DIP2C: variants seen among roughly 807,000 people sequenced by gnomAD.
DIP2C encodes DIP2 acetate--CoA ligase C (putative).
In DIP2C, 33 loss-of-function variants were observed where a neutral mutation model predicts 192.4. That is an observed-to-expected ratio of 0.17 (90% CI 0.13 to 0.23). The LOEUF is 0.23. Ranked by LOEUF, DIP2C falls within the 10% of genes least tolerant of loss-of-function variation. DIP2C has a pLI of 1.00. For synonymous variants in DIP2C, 979 were observed against 864.1 expected (o/e 1.13, Z -2.33); for missense variants, 1,537 against 2,110.1 (o/e 0.73, Z 5.32).
rs374788146 is a variant in DIP2C, at chr10:533,884, CAG to C, written c.86-47356_86-47355del. ...TTTCTAAATGGGCTGAGAACTGTCTCAGAGACACTTCTGGTTTACAGGAAGCA... is the reference window on the plus strand; with the variant it reads ...TTTCTAAATGGGCTGAGAACTGTCTCAGACACTTCTGGTTTACAGGAAGCA... On this transcript the variant is annotated intron_variant, in intron 1 of 36. Transcript: ENST00000280886. Among the ~76,000 whole-genome samples the C allele has an allele frequency of 1.4e-3, 210 of 152,072 alleles. 1 individual carries two copies. The highest frequency in any genetic ancestry group is 4.6e-3 in the African/African-American group (190 of 41,482).
chr10:629,917 C>T (rs1015619632), intron 1 of DIP2C: 13 of 152,322 alleles, frequency 8.5e-5, no homozygotes, highest in African/African-American at 2.7e-4. Context: ...GCCAGCCAGC[C>T]GTGGAAGTGT....
chr10:424,538 G>A (rs1966447528), intron 4 of DIP2C, among the ~76,000 whole-genome samples: 1 of 151,840 alleles, frequency 6.6e-6, no homozygotes, highest in South Asian at 2.1e-4. Context: ...GCTAATTTTT[G>A]TATTTTTAGT....
At chr10:303,301 C>T (rs2380151) in intron 32 of DIP2C, among the ~76,000 whole-genome samples, 121,782 of 152,116 alleles carry the variant, frequency 0.8, 49,822 homozygotes, top group Non-Finnish European at 0.89. Flanking sequence ...AAGTCATCAC[C>T]GCACGTGGCT....
At chr10:434,454 T>TA (rs913925797) in intron 4 of DIP2C, among the ~76,000 whole-genome samples, 3 of 152,136 alleles carry the variant, frequency 2.0e-5, no homozygotes, top group Non-Finnish European at 4.4e-5. Context: ...TGGCTTTTTT[T>TA]AAGAGACAGA....
intron 31 of DIP2C, among the ~76,000 whole-genome samples, chr10:325,920 G>A (rs552423282): frequency 1.3e-5 from 2 of 152,248 alleles, no homozygotes; most frequent in African/African-American, 4.8e-5. Flanking sequence ...AGTGGCTCAC[G>A]TCTGTAATCC....
chr10:506,462 T>A (rs1360809883), intron 1 of DIP2C, among the ~76,000 whole-genome samples: 1 of 152,100 alleles, frequency 6.6e-6, no homozygotes, highest in African/African-American at 2.4e-5. Flanking sequence ...TCCATGTGGC[T>A]CCCACAGCTC....
rs1405854294 is a variant in DIP2C, at chr10:651,869, A to C, written c.85+37625T>G. The C allele has an allele frequency of 5.0e-6, 1 of 200,744 alleles. No individual in the cohort carries two copies. The highest frequency in any genetic ancestry group is 1.0e-5 in the Non-Finnish European group (1 of 98,396). 12.4% of individuals were successfully genotyped at this position (200,744 alleles called of 1,614,324 possible). On this transcript the variant is annotated intron_variant, in intron 1 of 36. Transcript: ENST00000280886. The surrounding 1 kb of genome is among the most constrained non-coding windows in gnomAD (Gnocchi z 4.1). Reference sequence around the variant, plus strand: ...GAAACTACAAAAGAAACCACCTGCTACTGCAAACGGCCTCGCTGTACTCAG... The same window carrying C: ...GAAACTACAAAAGAAACCACCTGCTCCTGCAAACGGCCTCGCTGTACTCAG...
rs1965816921 is a variant in DIP2C, at chr10:417,839, TCCAC to T, written c.739+1222_739+1225del. Among the ~76,000 whole-genome samples, 5 of 94,804 alleles carry T rather than the reference TCCAC, an allele frequency of 5.3e-5. 1 individual carries two copies. The highest frequency in any genetic ancestry group is 1.1e-4 in the African/African-American group (2 of 18,676). The allele number at this position is 94,804 out of a possible 152,430, so 62.2% of individuals were successfully genotyped here. A position where few individuals can be genotyped will look rare whatever the true frequency, so the allele number is the denominator to read the frequency against. On this transcript the variant is annotated intron_variant, in intron 6 of 36. Transcript: ENST00000280886. ...GTCAGGGCGCGGACAGGCCTCCCTGTCCACCTGCACCTGTCAGAGCTCGGACAGG... is the reference window on the plus strand; with the variant it reads ...GTCAGGGCGCGGACAGGCCTCCCTGTCTGCACCTGTCAGAGCTCGGACAGG...
chr10:281,539 G>C (rs963324588), intron 35 of DIP2C, among the ~76,000 whole-genome samples: 1 of 152,226 alleles, frequency 6.6e-6, no homozygotes, highest in African/African-American at 2.4e-5. Flanking sequence ...CTGCAAAGCC[G>C]CCATGCGCCC....
chr10:439,566 A>G (rs756545021), intron 4 of DIP2C, among the ~76,000 whole-genome samples: 2 of 152,200 alleles, frequency 1.3e-5, no homozygotes, highest in Non-Finnish European at 2.9e-5. Flanking sequence ...GCAGTGAGCC[A>G]AGAGCTGCAA....
At chr10:440,571 C>T (rs1441365785) in intron 4 of DIP2C, among the ~76,000 whole-genome samples, 1 of 152,222 alleles carries the variant, frequency 6.6e-6, no homozygotes, top group African/African-American at 2.4e-5. Flanking sequence ...CAGAGGGGTA[C>T]AAACTCTTCC....
In DIP2C at chr10:553,319, G is replaced by T. The variant is rs554249329; in HGVS notation, c.86-66789C>A. Among the ~76,000 whole-genome samples the T allele has an allele frequency of 7.9e-5, 12 of 152,344 alleles. No individual in the cohort carries two copies. The South Asian group carries it at 2.5e-3, about 32-fold the overall frequency. The stretch of plus-strand genomic sequence containing the variant: ...GAAATCAGCTGGGAAGCAGGGCTGC[G>T]TGTGTGGCGCCTGGTCACTCAAGAA... On this transcript the variant is annotated intron_variant, in intron 1 of 36. Transcript: ENST00000280886.
At chr10:643,465 G>C (rs1157018569) in intron 1 of DIP2C, among the ~76,000 whole-genome samples, 1 of 152,030 alleles carries the variant, frequency 6.6e-6, no homozygotes, top group Non-Finnish European at 1.5e-5. Context: ...AGTGAACTGA[G>C]ATCGCACCAC....
chr10:686,343 T>C (rs1831334784), intron 1 of DIP2C, among the ~76,000 whole-genome samples: 1 of 150,716 alleles, frequency 6.6e-6, no homozygotes, highest in South Asian at 2.1e-4. Context: ...TAGCACAGCC[T>C]TCCCCCCACG....
chr10:361,541 C>A (rs1359253892), intron 22 of DIP2C, among the ~76,000 whole-genome samples: 2 of 152,180 alleles, frequency 1.3e-5, no homozygotes, highest in Admixed American at 6.5e-5. Context: ...CCTGTCTCCA[C>A]CAGCTACTGA....
chr10:533,051 T>C (rs2130868620), intron 1 of DIP2C, among the ~76,000 whole-genome samples: 1 of 152,112 alleles, frequency 6.6e-6, no homozygotes, highest in South Asian at 2.1e-4. Context: ...TATTACTGAG[T>C]TTCCCACATA....
intron 4 of DIP2C, among the ~76,000 whole-genome samples, chr10:432,597 T>G (rs1483883686): frequency 6.6e-6 from 1 of 152,224 alleles, no homozygotes; most frequent in African/African-American, 2.4e-5. Context: ...TTATAGATTT[T>G]CTCTCAAAGA....
chr10:316,451 T>C (rs1956777647), intron 31 of DIP2C, among the ~76,000 whole-genome samples: 1 of 152,194 alleles, frequency 6.6e-6, no homozygotes, highest in Non-Finnish European at 1.5e-5. Flanking sequence ...CTCTTCAGTC[T>C]CACCCCCAGC....
At chr10:668,717 T>A (rs879818325) in intron 1 of DIP2C, 5 of 152,224 alleles carry the variant, frequency 3.3e-5, no homozygotes, top group Non-Finnish European at 5.9e-5. Flanking sequence ...AAACAGCACA[T>A]GCACAGTTTC....
Sources: allele counts gnomAD v4.1 joint callset (sites outside exome capture counted in the v4.1 genomes callset), GRCh38; gene constraint gnomAD v4.1.1; non-coding constraint Gnocchi (gnomAD v3.1); transcripts MANE v1.5; gene names NCBI Gene and HGNC (gene_info 2026-07-23, HGNC 2026-07-21).